Variants in PPP1R13B observed in about 807,000 individuals in gnomAD.
The protein encoded by PPP1R13B is protein phosphatase 1 regulatory subunit 13B.
Under a neutral mutation model 119.8 loss-of-function variants are expected in PPP1R13B, and 44 were observed. The ratio of observed to expected loss-of-function variants is 0.37; its 90% CI spans 0.29 to 0.47. The LOEUF is 0.47. Among genes scored for constraint, PPP1R13B ranks in the 20% least tolerant of loss-of-function variants. The pLI, the probability that PPP1R13B is intolerant of heterozygous loss-of-function variation, is 0.99. For missense variants in PPP1R13B, 1,227 were observed against 1,413.5 expected (o/e 0.87, Z 2.12); for synonymous variants, 542 against 561.5 (o/e 0.97, Z 0.49).
chr14:103,750,160 C>T (rs1426152046), intron 7 of PPP1R13B, among the ~76,000 whole-genome samples: 1 of 151,756 alleles, frequency 6.6e-6, no homozygotes, highest in Non-Finnish European at 1.5e-5. Flanking sequence ...TTCTTCAAAG[C>T]ACACGAAATG....
intron 7 of PPP1R13B, among the ~76,000 whole-genome samples, chr14:103,751,232 A>T (rs1047058746): frequency 6.6e-6 from 1 of 152,252 alleles, no homozygotes. Context: ...TGACATCCTT[A>T]TATTACACTC....
intron 1 of PPP1R13B, among the ~76,000 whole-genome samples, chr14:103,838,284 T>A (rs1373373877): frequency 6.6e-6 from 1 of 151,676 alleles, no homozygotes; most frequent in Non-Finnish European, 1.5e-5. Flanking sequence ...ACCTTCCACA[T>A]CATATCTTTC....
intron 9 of PPP1R13B, among the ~76,000 whole-genome samples, chr14:103,743,154 G>C (rs2084301773): frequency 6.6e-6 from 1 of 152,214 alleles, no homozygotes; most frequent in Non-Finnish European, 1.5e-5. Context: ...CAAATCCATT[G>C]CATCAGCACC....
intron 3 of PPP1R13B, among the ~76,000 whole-genome samples, 157 bp downstream of exon 3, chr14:103,784,632 CAACACT>C (rs2085414029): frequency 9.2e-6 from 1 of 108,768 alleles, no homozygotes; most frequent in Non-Finnish European, 1.9e-5. Context: ...TAATGGTAAA[CAACACT>C]AACAGAAGCC....
chr14:103,812,808 T>C (rs2086192581), intron 1 of PPP1R13B, among the ~76,000 whole-genome samples: 1 of 152,196 alleles, frequency 6.6e-6, no homozygotes, highest in African/African-American at 2.4e-5. Flanking sequence ...AAAAACATGT[T>C]CCGTATCATA....
intron 5 of PPP1R13B, among the ~76,000 whole-genome samples, chr14:103,756,131 G>A (rs539563052): frequency 1.5e-3 from 227 of 148,278 alleles, no homozygotes; most frequent in African/African-American, 5.6e-3. Context: ...GTCTTGCTCT[G>A]TCACCCAGGC....
chr14:103,808,877 CT>C lies in PPP1R13B; in HGVS notation c.10-11360del, dbSNP rs200411132. 3.6e-3 allele frequency among the ~76,000 whole-genome samples: 551 copies of C among 151,768 alleles called. 5 individuals carry two copies. The highest frequency in any genetic ancestry group is 0.013 in the African/African-American group (534 of 41,394). On this transcript the variant is annotated intron_variant, in intron 1 of 16. Transcript: ENST00000202556. ...TATACACCCATTTTTTTTAATGTTT[CT>C]TTTTTTTAGAGACAGGATCTTGCTC...
At chr14:103,834,486 G>A (rs2086728922) in intron 1 of PPP1R13B, among the ~76,000 whole-genome samples, 2 of 151,780 alleles carry the variant, frequency 1.3e-5, no homozygotes, top group Admixed American at 6.6e-5. Flanking sequence ...CTTTTCAGCT[G>A]ACTGACAGGA....
chr14:103,797,226 C>G (rs1274397076), intron 2 of PPP1R13B, 145 bp downstream of exon 2: 4 of 682,308 alleles, frequency 5.9e-6, no homozygotes, highest in Non-Finnish European at 9.2e-6. Flanking sequence ...CAATATTTTC[C>G]ATTTGATAAA....
chr14:103,791,213 C>T (rs1465331255), intron 2 of PPP1R13B, among the ~76,000 whole-genome samples: 1 of 151,896 alleles, frequency 6.6e-6, no homozygotes, highest in East Asian at 1.9e-4. Context: ...CCTTGAACTT[C>T]CGGGCTCAAG....
chr14:103,768,969 G>A (rs936453069), intron 4 of PPP1R13B, among the ~76,000 whole-genome samples: 1 of 152,210 alleles, frequency 6.6e-6, no homozygotes, highest in Non-Finnish European at 1.5e-5. Flanking sequence ...CAAATGTCTA[G>A]TATCTTATCT....
intron 1 of PPP1R13B, among the ~76,000 whole-genome samples, chr14:103,836,412 G>A (rs2086779313): frequency 1.3e-5 from 2 of 152,216 alleles, no homozygotes; most frequent in South Asian, 2.1e-4. Flanking sequence ...ACAGTATCAT[G>A]AAATATAGTG....
chr14:103,792,600 A>G (rs2085650145), intron 2 of PPP1R13B, among the ~76,000 whole-genome samples: 1 of 152,138 alleles, frequency 6.6e-6, no homozygotes, highest in Non-Finnish European at 1.5e-5. Context: ...CCCTGTCTCT[A>G]CAAAAAATAA....
At chr14:103,838,229 CACACACACAG>C (rs1388538710) in intron 1 of PPP1R13B, among the ~76,000 whole-genome samples, 1 of 151,978 alleles carries the variant, frequency 6.6e-6, no homozygotes, top group African/African-American at 2.4e-5. Context: ...CACACACACA[CACACACACAG>C]ACACACACAG....
At chr14:103,842,158 A>C (rs949198322) in intron 1 of PPP1R13B, among the ~76,000 whole-genome samples, 5 of 152,230 alleles carry the variant, frequency 3.3e-5, no homozygotes, top group African/African-American at 1.2e-4. Flanking sequence ...AAAACAAATT[A>C]ATGTCATCCC....
chr14:103,764,239 GACACC>G (rs2084883812), intron 4 of PPP1R13B: 1 of 157,640 alleles, frequency 6.3e-6, no homozygotes, highest in Admixed American at 6.5e-5. Context: ...ACCAGCAATG[GACACC>G]AGTGTGTCCA....
intron 1 of PPP1R13B, chr14:103,847,092 C>T: frequency 1.0e-6 from 1 of 988,052 alleles, no homozygotes; most frequent in Non-Finnish European, 1.2e-6. Flanking sequence ...GGCCCGCAGG[C>T]GGCCCCGGCC....
chr14:103,779,668 G>A (rs2085293209), intron 3 of PPP1R13B, among the ~76,000 whole-genome samples: 1 of 151,898 alleles, frequency 6.6e-6, no homozygotes, highest in African/African-American at 2.4e-5. Context: ...TCATGTGCCT[G>A]TAGTCCCAGC....
chr14:103,785,314 G>A (rs2085434528), intron 2 of PPP1R13B, among the ~76,000 whole-genome samples: 1 of 152,158 alleles, frequency 6.6e-6, no homozygotes, highest in South Asian at 2.1e-4. Flanking sequence ...CCGCTTCTGG[G>A]TTCAAGAGAT....
Sources: gnomAD v4.1 joint callset for allele counts (sites outside exome capture counted in the v4.1 genomes callset) on GRCh38, gnomAD v4.1.1 for gene constraint, MANE v1.5 for transcripts, NCBI Gene and HGNC (gene_info 2026-07-23, HGNC 2026-07-21) for gene names.